The following DTWD2 variants were observed in gnomAD, a reference collection of about 807,000 sequenced individuals.
DTWD2 encodes the protein tRNA-uridine aminocarboxypropyltransferase 2.
In DTWD2, 39 loss-of-function variants were observed where a neutral mutation model predicts 31.8. The observed-to-expected ratio is 1.22, with a 90% CI of 0.95 to 1.60. The LOEUF is 1.60. Among genes scored for constraint, DTWD2 ranks in the 40% most tolerant of loss-of-function variants. The pLI is 0.00. For synonymous variants in DTWD2, 180 were observed against 142.8 expected, an observed-to-expected ratio of 1.26 and a Z score of -1.86; for missense variants, 515 against 381.5, an observed-to-expected ratio of 1.35 and a Z score of -2.92.
At chr5:118,893,980 G>C (rs893845715) in intron 4 of DTWD2, among the ~76,000 whole-genome samples, 10 of 147,666 alleles carry the variant, frequency 6.8e-5, no homozygotes, top group African/African-American at 2.5e-4. Context: ...GAGAAGGGCA[G>C]AATAATAAAT....
chr5:118,982,038 A>G (rs938857688), intron 1 of DTWD2, among the ~76,000 whole-genome samples: 1 of 152,216 alleles, frequency 6.6e-6, no homozygotes, highest in Non-Finnish European at 1.5e-5. Context: ...CATCTGACCT[A>G]AAGAGTCTAT....
At chr5:118,862,225 C>T (rs112397822) in intron 4 of DTWD2, among the ~76,000 whole-genome samples, 6,035 of 152,292 alleles carry the variant, frequency 0.04, 402 homozygotes, top group African/African-American at 0.14. Flanking sequence ...CCAAAACCAT[C>T]GCTCCATTCG....
At chr5:118,893,264 G>A (rs893698626) in intron 4 of DTWD2, among the ~76,000 whole-genome samples, 1 of 151,196 alleles carries the variant, frequency 6.6e-6, no homozygotes, top group Admixed American at 6.6e-5. Context: ...GGGAGGCTGA[G>A]GCACGAGAAT....
chr5:118,859,592 A>G (rs1752214583), intron 4 of DTWD2, among the ~76,000 whole-genome samples: 1 of 152,080 alleles, frequency 6.6e-6, no homozygotes, highest in Non-Finnish European at 1.5e-5. Context: ...CAGCACCAAT[A>G]ATTAGGTTCA....
Position 118,898,808 on chromosome 5 carries a change from T to C in DTWD2, c.597+29729A>G, listed in dbSNP as rs533056729. Among the ~76,000 whole-genome samples the C allele has an allele frequency of 2.6e-5, 4 of 152,134 alleles. No individual in the cohort carries two copies. The East Asian group carries it at 5.8e-4, about 22-fold the overall frequency. On this transcript the variant is annotated intron_variant, in intron 4 of 5. Transcript: ENST00000510708. ...AGCTCTAATTTTAATCACAAAAAAA[T>C]TGTTATTAAGACATTTAGTTTAAGA...
chr5:118,855,689 C>A (rs1050517349), intron 4 of DTWD2, among the ~76,000 whole-genome samples: 106 of 152,082 alleles, frequency 7.0e-4, no homozygotes, highest in African/African-American at 2.5e-3. Context: ...AGGTTACCAC[C>A]CTTGTTAGAA....
chr5:118,982,730 C>T (rs1401357191), intron 1 of DTWD2, among the ~76,000 whole-genome samples: 1 of 147,246 alleles, frequency 6.8e-6, no homozygotes, highest in East Asian at 2.0e-4. Flanking sequence ...GCTCTGTCGC[C>T]GAGGCTGGAG....
At chr5:118,980,432 C>A (rs1228559565) in intron 1 of DTWD2, among the ~76,000 whole-genome samples, 1 of 152,194 alleles carries the variant, frequency 6.6e-6, no homozygotes, top group Non-Finnish European at 1.5e-5. Context: ...CCAGGAATTT[C>A]ATGTCTTTTG....
chr5:118,949,391 A>G (rs1754409092), intron 1 of DTWD2, among the ~76,000 whole-genome samples: 1 of 152,164 alleles, frequency 6.6e-6, no homozygotes, highest in African/African-American at 2.4e-5. Flanking sequence ...GATCCAGAAC[A>G]GAAAAATGGG....
rs187976571 is a variant in DTWD2 at position 118,926,684 on chromosome 5, G to A, written c.597+1853C>T. 1.3e-4 allele frequency among the ~76,000 whole-genome samples: 20 copies of A among 151,946 alleles called. No individual in the cohort carries two copies. The East Asian group carries it at 1.9e-3, about 15-fold the overall frequency. ...CTAGCGGAAATATTGCATCCATCTC[G>A]CCCCTTTTGTTCAAAAAAGAAAGTG... On this transcript the variant is annotated intron_variant, in intron 4 of 5. Transcript: ENST00000510708.
chr5:118,910,269 G>A (rs879284499), intron 4 of DTWD2, among the ~76,000 whole-genome samples: 7 of 152,098 alleles, frequency 4.6e-5, no homozygotes, highest in African/African-American at 1.2e-4. Flanking sequence ...TCAACACTTC[G>A]CTTAGAGATT....
At chr5:118,983,349 C>G (rs1342379557) in intron 1 of DTWD2, among the ~76,000 whole-genome samples, 1 of 152,162 alleles carries the variant, frequency 6.6e-6, no homozygotes, top group African/African-American at 2.4e-5. Context: ...AGCCAGAAAT[C>G]TGGATTTTTA....
At chr5:118,880,355 G>T (rs1336225879) in intron 4 of DTWD2, among the ~76,000 whole-genome samples, 1 of 152,160 alleles carries the variant, frequency 6.6e-6, no homozygotes, top group Non-Finnish European at 1.5e-5. Context: ...TCAGATGCGT[G>T]TAACAGTTGG....
chr5:118,868,580 C>T (rs1752432391), intron 4 of DTWD2, among the ~76,000 whole-genome samples: 1 of 152,012 alleles, frequency 6.6e-6, no homozygotes, highest in South Asian at 2.1e-4. Flanking sequence ...AATAATGCCT[C>T]TAATCCCAAC....
At chr5:118,898,550 T>C (rs1206512489) in intron 4 of DTWD2, among the ~76,000 whole-genome samples, 2 of 150,522 alleles carry the variant, frequency 1.3e-5, no homozygotes, top group Admixed American at 6.6e-5. Flanking sequence ...TCTCAACTTC[T>C]CAGGAGGCTG....
chr5:118,869,511 C>T (rs1262435504), intron 4 of DTWD2, among the ~76,000 whole-genome samples: 1 of 152,158 alleles, frequency 6.6e-6, no homozygotes, highest in East Asian at 1.9e-4. Flanking sequence ...TCCTAAGCTT[C>T]AAGGAACAGA....
chr5:118,899,870 C>T (rs770684516), intron 4 of DTWD2, among the ~76,000 whole-genome samples: 5 of 145,922 alleles, frequency 3.4e-5, no homozygotes, highest in Non-Finnish European at 5.9e-5. Context: ...GGCACGATCT[C>T]GGCTCACTGC....
chr5:118,856,244 T>C (rs988514569), intron 4 of DTWD2, among the ~76,000 whole-genome samples: 3 of 152,208 alleles, frequency 2.0e-5, no homozygotes, highest in African/African-American at 4.8e-5. Flanking sequence ...ATTTTTGAAC[T>C]TTATAAAAAT....
At chr5:118,948,340 G>A (rs1214700449) in intron 1 of DTWD2, among the ~76,000 whole-genome samples, 3 of 152,106 alleles carry the variant, frequency 2.0e-5, no homozygotes, top group Admixed American at 1.3e-4. Flanking sequence ...AATTAGCCGG[G>A]CATGATGGCA....
Sources: gnomAD v4.1 joint callset for allele counts (sites outside exome capture counted in the v4.1 genomes callset) on GRCh38, gnomAD v4.1.1 for gene constraint, MANE v1.5 for transcripts, NCBI Gene and HGNC (gene_info 2026-07-23, HGNC 2026-07-21) for gene names.